SSH1: variants seen among roughly 807,000 people sequenced by gnomAD.
SSH1 encodes the protein protein phosphatase Slingshot homolog 1.
A neutral mutation model predicts 79.7 loss-of-function variants in SSH1; 43 were observed. The ratio of observed to expected loss-of-function variants is 0.54; its 90% CI spans 0.42 to 0.70. SSH1 has a LOEUF of 0.70. Ranked by LOEUF, SSH1 falls within the 30% of genes least tolerant of loss-of-function variation. The pLI, the probability that SSH1 is intolerant of heterozygous loss-of-function variation, is 0.00. For missense variants in SSH1, 1,206 were observed against 1,358.8 expected (o/e 0.89, Z 1.77); for synonymous variants, 599 against 538.3 (o/e 1.11, Z -1.56).
At chr12:108,797,700 G>T (rs1424827506) in intron 13 of SSH1, among the ~76,000 whole-genome samples, 1 of 152,148 alleles carries the variant, frequency 6.6e-6, no homozygotes, top group Non-Finnish European at 1.5e-5. Context: ...CTTGACCTCA[G>T]GGGAGAGCGA....
At chr12:108,803,144 T>A (rs1249134718) in intron 10 of SSH1, among the ~76,000 whole-genome samples, 1 of 152,210 alleles carries the variant, frequency 6.6e-6, no homozygotes, top group Non-Finnish European at 1.5e-5. Context: ...AAGCTATATA[T>A]GCATTTTAAA....
intron 4 of SSH1, chr12:108,817,499 C>T (rs910369390): frequency 3.1e-5 from 11 of 350,908 alleles, no homozygotes; most frequent in African/African-American, 8.6e-5. Flanking sequence ...CTCTTGAACC[C>T]GGGAAGCGGA....
Position 108,823,332 on chromosome 12 carries a change from C to A in SSH1, c.140G>T (p.Gly47Val). 1.3e-6 allele frequency: 2 copies of A among 1,579,344 alleles called. No individual in the cohort carries two copies. Among genetic ancestry groups the A allele is most frequent in the Non-Finnish European group, 1.7e-6 (2 of 1,161,008 alleles). The part of the protein sequence containing the change: ...SLSESFFMVK[G>V]AALFLQQGSS... The stretch of plus-strand genomic sequence containing the variant: ...TCCCTGTTGTAAGAAGAGGGCTGCG[C>A]CTTTCACCATGAAAAAGCTCTCACT... The change falls in exon 3 of 15, where the codon GGC (glycine) becomes GTC (valine). Residue 47 changes from glycine (G) to valine (V), a missense_variant. By Grantham distance (109) the Gly-to-Val change is moderately radical (BLOSUM62 -3). Coordinates refer to ENST00000326495, the MANE Select transcript of SSH1 (RefSeq NM_018984.4).
chr12:108,780,219 AC>A lies in SSH1; in HGVS notation c.*7768del, dbSNP rs1297097192. On this transcript the variant is annotated 3_prime_UTR_variant, in exon 15 of 15. Coordinates refer to ENST00000326495, the MANE Select transcript of SSH1 (RefSeq NM_018984.4). ...GTGCTGCCTTTGGAGCCTCTCCCGAACATCTTGCCAAGAGGGGGTTCCCCAG... is the reference window on the plus strand; with the variant it reads ...GTGCTGCCTTTGGAGCCTCTCCCGAAATCTTGCCAAGAGGGGGTTCCCCAG... 2 of 152,174 alleles carry A rather than the reference AC, an allele frequency of 1.3e-5. No individual in the cohort carries two copies. Among genetic ancestry groups the A allele is most frequent in the African/African-American group, 2.4e-5 (1 of 41,438 alleles). 9.4% of individuals were successfully genotyped at this position (152,174 alleles called of 1,614,324 possible).
intron 10 of SSH1, 123 bp from the exon 11 acceptor site, chr12:108,802,491 G>T: frequency 1.3e-6 from 1 of 792,634 alleles, no homozygotes; most frequent in Non-Finnish European, 2.2e-6. Flanking sequence ...ATTGGCCTCA[G>T]AGAACAGAGA....
Position 108,857,283 on chromosome 12 carries a change from G to T in SSH1, c.69+145C>A. On this transcript the variant is annotated intron_variant, in intron 1 of 14. Coordinates refer to ENST00000326495, the MANE Select transcript of SSH1 (RefSeq NM_018984.4). This position sits in a 1 kb window ranked among gnomAD's most constrained non-coding sequence, Gnocchi z 4.7. ...ACACAGTCCTCGCACGGTCACCCCG[G>T]TCCGGCTGCCCGGCTCTGTTCCTAC... 3.6e-6 allele frequency: 1 copy of T among 274,626 alleles called. No individual in the cohort carries two copies. Among genetic ancestry groups the T allele is most frequent in the Non-Finnish European group, 5.6e-6 (1 of 180,078 alleles). The allele number at this position is 274,626 out of a possible 1,614,324, so 17.0% of individuals were successfully genotyped here. A position where few individuals can be genotyped will look rare whatever the true frequency, so the allele number is the denominator to read the frequency against.
chr12:108,836,914 A>C (rs371623628), intron 2 of SSH1: 10 of 533,406 alleles, frequency 1.9e-5, no homozygotes, highest in Non-Finnish European at 3.5e-5. Flanking sequence ...CACTCTGCAA[A>C]CTGACAGTAC....
intron 2 of SSH1, among the ~76,000 whole-genome samples, chr12:108,845,684 T>C (rs886575678): frequency 2.6e-5 from 4 of 152,166 alleles, no homozygotes; most frequent in Non-Finnish European, 5.9e-5. Flanking sequence ...CGAAACTCCA[T>C]TTCAAATTTA....
chr12:108,800,741 G>T, intron 12 of SSH1, 39 bp downstream of exon 12: 2 of 1,606,734 alleles, frequency 1.2e-6, no homozygotes, highest in Non-Finnish European at 8.5e-7. Context: ...GCCTCAGCAG[G>T]TTGGTTTCAT....
At position 108,788,266 on chromosome 12, in the gene SSH1, T is replaced by A. The variant is rs2036348787; in HGVS notation, c.2872A>T (p.Ile958Phe). 1.9e-6 allele frequency: 3 copies of A among 1,613,598 alleles called. No homozygotes were observed. Among genetic ancestry groups the A allele is most frequent in the Non-Finnish European group, 2.5e-6 (3 of 1,180,012 alleles). The change falls in exon 15 of 15, where the codon ATT becomes TTT. Residue 958 changes from isoleucine (I) to phenylalanine (F), a missense_variant. Coordinates refer to ENST00000326495, the MANE Select transcript of SSH1 (RefSeq NM_018984.4). ...CCCGCCAGCCGGAGCCGGGTCTCAA[T>A]CTCCTGTGTCCGCTGCTTCACCAGC... is the stretch of plus-strand genomic sequence containing the variant. ...PGLVKQRTQE[I>F]ETRLRLAGLT...
intron 2 of SSH1, chr12:108,833,993 G>A (rs1031324580): frequency 1.3e-5 from 2 of 152,182 alleles, no homozygotes; most frequent in Non-Finnish European, 2.9e-5. Flanking sequence ...TTAGCCATGT[G>A]ACATCATCTA....
intron 2 of SSH1, among the ~76,000 whole-genome samples, chr12:108,844,443 G>C (rs939469262): frequency 6.6e-6 from 1 of 152,144 alleles, no homozygotes; most frequent in Non-Finnish European, 1.5e-5. Flanking sequence ...CGCTCCCCGT[G>C]TTTCTGGTCT....
At chr12:108,821,127 C>T (rs2038101553) in intron 3 of SSH1, among the ~76,000 whole-genome samples, 1 of 152,152 alleles carries the variant, frequency 6.6e-6, no homozygotes, top group Admixed American at 6.5e-5. Flanking sequence ...AACCTATAAT[C>T]CCAATGCTTT....
chr12:108,829,962 T>C (rs1202729203), intron 2 of SSH1, among the ~76,000 whole-genome samples: 1 of 152,090 alleles, frequency 6.6e-6, no homozygotes, highest in Non-Finnish European at 1.5e-5. Flanking sequence ...TAAAATTAGC[T>C]AGGCTTGGTG....
chr12:108,803,160 A>C (rs1017867238), intron 10 of SSH1, among the ~76,000 whole-genome samples: 18 of 152,174 alleles, frequency 1.2e-4, no homozygotes, highest in African/African-American at 4.3e-4. Flanking sequence ...TTAAAAACCC[A>C]AAAAAACAGA....
intron 2 of SSH1, among the ~76,000 whole-genome samples, chr12:108,847,524 C>T (rs756311210): frequency 1.3e-5 from 2 of 152,274 alleles, no homozygotes; most frequent in South Asian, 2.1e-4. Context: ...AGTGCAGTGA[C>T]GCAAACTCGG....
At chr12:108,822,266 TG>T (rs929035224) in intron 3 of SSH1, among the ~76,000 whole-genome samples, 4 of 152,218 alleles carry the variant, frequency 2.6e-5, no homozygotes, top group African/African-American at 9.6e-5. Flanking sequence ...CCAACCTTGC[TG>T]GGATTACAGG....
At chr12:108,798,489 T>C (rs940994210) in intron 13 of SSH1, among the ~76,000 whole-genome samples, 1 of 152,172 alleles carries the variant, frequency 6.6e-6, no homozygotes, top group Admixed American at 6.5e-5. Flanking sequence ...CAAGTGCATG[T>C]CCCAGGCCCA....
intron 10 of SSH1, among the ~76,000 whole-genome samples, chr12:108,803,665 T>C (rs1187281509): frequency 6.6e-6 from 1 of 152,192 alleles, no homozygotes; most frequent in Non-Finnish European, 1.5e-5. Context: ...CGAGTGCCGC[T>C]GAAGCTGAGA....
Sources: gnomAD v4.1 joint callset for allele counts (sites outside exome capture counted in the v4.1 genomes callset) on GRCh38, gnomAD v4.1.1 for gene constraint, Gnocchi (gnomAD v3.1) non-coding constraint, MANE v1.5 for transcripts, NCBI Gene and HGNC (gene_info 2026-07-23, HGNC 2026-07-21) for gene names.